SNX25: variants seen among roughly 807,000 people sequenced by gnomAD.
The protein encoded by SNX25 is sorting nexin-25.
In SNX25, 62 loss-of-function variants were observed where a neutral mutation model predicts 113.7. That is an observed-to-expected ratio of 0.55 (90% confidence interval 0.44 to 0.67). The LOEUF (loss-of-function observed/expected upper bound fraction) is 0.67. Among genes scored for constraint, SNX25 ranks in the 30% least tolerant of loss-of-function variants. The pLI, the probability that SNX25 is intolerant of heterozygous loss-of-function variation, is 0.00. For missense variants in SNX25, 1,014 were observed against 1,161.0 expected (o/e 0.87, Z 1.84); for synonymous variants, 421 against 436.2 (o/e 0.97, Z 0.43).
In SNX25 at chr4:185,310,800, G is replaced by T; in HGVS notation, c.1328G>T (p.Gly443Val). Residue 443 changes from glycine (G) to valine (V), a missense_variant, in exon 7 of 19, where the codon GGG becomes GTG. Coordinates refer to ENST00000652585, the MANE Select transcript of SNX25 (RefSeq NM_001378034.2). ...QEDGALDEGE[G>V]PQSQKILQFE... ...GATGGGGCCCTGGATGAGGGGGAAG[G>T]GCCTCAAAGCCAGAAGGTAGAACTT... 1 of 1,611,334 alleles carries T rather than the reference G, an allele frequency of 6.2e-7. No homozygotes were observed. Among genetic ancestry groups the T allele is most frequent in the Non-Finnish European group, 8.5e-7 (1 of 1,178,938 alleles).
Position 185,353,615 on chromosome 4 carries a change from G to T in SNX25, c.2584+13G>T. Reference sequence around the variant, plus strand: ...GAACTTCGAGGAAGTAAGCTTCTTTGTTATTATTTAGTGGTATTTGCTAGT... The same window carrying T: ...GAACTTCGAGGAAGTAAGCTTCTTTTTTATTATTTAGTGGTATTTGCTAGT... On this transcript the variant is annotated intron_variant, in intron 15 of 18. Transcript: ENST00000652585. 6.3e-7 allele frequency: 1 copy of T among 1,598,284 alleles called. No homozygotes were observed. Among genetic ancestry groups the T allele is most frequent in the Non-Finnish European group, 8.6e-7 (1 of 1,165,608 alleles).
chr4:185,360,473 T>G (rs757594611), intron 16 of SNX25, among the ~76,000 whole-genome samples: 10 of 152,202 alleles, frequency 6.6e-5, no homozygotes, highest in Non-Finnish European at 1.5e-4. Flanking sequence ...CTTTTTAATA[T>G]ATTATTATTC....
intron 6 of SNX25, among the ~76,000 whole-genome samples, chr4:185,294,939 G>A (rs79459629): frequency 0.011 from 1,646 of 152,006 alleles, 18 homozygotes; most frequent in South Asian, 0.05. Flanking sequence ...TTGTATTTCT[G>A]TGGTCTTTGG....
At chr4:185,347,928 T>A (rs1329682826) in intron 13 of SNX25, among the ~76,000 whole-genome samples, 1 of 152,274 alleles carries the variant, frequency 6.6e-6, no homozygotes, top group Non-Finnish European at 1.5e-5. Flanking sequence ...TGATTGCTTT[T>A]AATGAACAGA....
intron 1 of SNX25, among the ~76,000 whole-genome samples, chr4:185,243,527 G>A (rs1256671883): frequency 2.6e-5 from 4 of 152,004 alleles, no homozygotes; most frequent in African/African-American, 2.4e-5. Flanking sequence ...TGCTTGAGCC[G>A]GGAGATTGAG....
rs550724396 is a variant in SNX25 at position 185,323,602 on chromosome 4, A to G, written c.1551A>G (p.Lys517=). ...FVESKEISVE[K]SLYKEIQQCL... Reference sequence around the variant, plus strand: ...AGAGCAAAGAAATATCTGTGGAAAAATCACTTTACAAAGAAATTCAGCAGT... The same window carrying G: ...AGAGCAAAGAAATATCTGTGGAAAAGTCACTTTACAAAGAAATTCAGCAGT... The change falls in exon 9 of 19, where the codon AAA becomes AAG. Residue 517 remains lysine (K), a synonymous_variant. Coordinates refer to ENST00000652585, the MANE Select transcript of SNX25 (RefSeq NM_001378034.2). The G allele has an allele frequency of 1.2e-6, 2 of 1,613,452 alleles. No individual in the cohort carries two copies. Among genetic ancestry groups the G allele is most frequent in the Admixed American group, 1.7e-5 (1 of 60,000 alleles).
intron 5 of SNX25, among the ~76,000 whole-genome samples, chr4:185,267,603 T>A (rs1339066311): frequency 6.6e-6 from 1 of 151,970 alleles, no homozygotes; most frequent in Non-Finnish European, 1.5e-5. Flanking sequence ...TGGTGGCACA[T>A]GCCTGTAGTC....
intron 1 of SNX25, among the ~76,000 whole-genome samples, chr4:185,236,159 T>C (rs560312167): frequency 4.6e-5 from 7 of 152,350 alleles, no homozygotes; most frequent in African/African-American, 1.4e-4. Context: ...GGTAAGAGAA[T>C]TAGCTGCCTT....
At chr4:185,301,815 G>C (rs1319482002) in intron 6 of SNX25, among the ~76,000 whole-genome samples, 1 of 152,134 alleles carries the variant, frequency 6.6e-6, no homozygotes, top group Non-Finnish European at 1.5e-5. Flanking sequence ...TCGAACTCCT[G>C]ACCTCAAGTG....
chr4:185,264,545 TC>T lies in SNX25; in HGVS notation c.843del (p.Ser282GlnfsTer11), dbSNP rs1449419153. 6.2e-7 allele frequency: 1 copy of T among 1,613,946 alleles called. No homozygotes were observed. The highest frequency in any genetic ancestry group is 1.3e-5 in the African/African-American group (1 of 74,922). ...TCTCGGGTTCTGGTGTTTTGTCTCC[TC>T]CCCTCAAAGGATGTGCAGTCTCTCA... Reference protein sequence around the residue: ...TCSRVLVFCLLPSKDVQSLSL... With the variant: ...TCSRVLVFCLXPSKDVQSLSL... On this transcript the variant is annotated frameshift_variant, in exon 4 of 19. Transcript: ENST00000652585. LOFTEE classifies it high-confidence loss of function.
At chr4:185,343,400 A>C (rs1383935851) in intron 12 of SNX25, among the ~76,000 whole-genome samples, 1 of 152,164 alleles carries the variant, frequency 6.6e-6, no homozygotes, top group Non-Finnish European at 1.5e-5. Flanking sequence ...CTTTGGTTTC[A>C]GTTTTATTTA....
At chr4:185,314,218 G>A (rs1402174714) in intron 7 of SNX25, among the ~76,000 whole-genome samples, 3 of 151,878 alleles carry the variant, frequency 2.0e-5, no homozygotes, top group Non-Finnish European at 4.4e-5. Flanking sequence ...GGCCCAGTGA[G>A]GGGGCTCATG....
chr4:185,300,155 A>G (rs1174087350), intron 6 of SNX25, among the ~76,000 whole-genome samples: 2 of 136,426 alleles, frequency 1.5e-5, no homozygotes, highest in African/African-American at 5.4e-5. Flanking sequence ...AACAATGTCC[A>G]CTAGGAAATT....
At chr4:185,310,903 G>A (rs1560997539) in intron 7 of SNX25, 87 bp downstream of exon 7, 2 of 1,283,728 alleles carry the variant, frequency 1.6e-6, no homozygotes, top group Non-Finnish European at 2.1e-6. Context: ...CAACTTTTTA[G>A]TATTGAACTT....
At chr4:185,322,754 T>C (rs1023543502) in intron 8 of SNX25, among the ~76,000 whole-genome samples, 4 of 152,212 alleles carry the variant, frequency 2.6e-5, no homozygotes, top group African/African-American at 4.8e-5. Context: ...GAAGAGAATT[T>C]GAAATATTTC....
Position 185,265,918 on chromosome 4 carries a change from G to A in SNX25, c.905-1051G>A, listed in dbSNP as rs895010026. On this transcript the variant is annotated intron_variant, in intron 4 of 18. Transcript: ENST00000652585. ...GTTGACCAAAATGTCATTATGTGGC[G>A]CATGACTGTACATAATTTTGTGAAC... Among the ~76,000 whole-genome samples the A allele has an allele frequency of 5.3e-5, 8 of 152,170 alleles. No individual in the cohort carries two copies. In the East Asian group the frequency reaches 5.8e-4, roughly 11 times the overall value.
chr4:185,298,285 T>A (rs536851089), intron 6 of SNX25, among the ~76,000 whole-genome samples: 1 of 151,972 alleles, frequency 6.6e-6, no homozygotes, highest in South Asian at 2.1e-4. Context: ...GATGAGGTTT[T>A]GCCATGTTGG....
In SNX25 at chr4:185,342,189, G is replaced by A. The variant is rs965643400; in HGVS notation, c.2187+73G>A. The A allele has an allele frequency of 3.5e-6, 5 of 1,414,290 alleles. No homozygotes were observed. In the Admixed American group the frequency reaches 1.1e-4, roughly 30 times the overall value. The allele number at this position is 1,414,290 out of a possible 1,614,324, so 87.6% of individuals were successfully genotyped here. A position where few individuals can be genotyped will look rare whatever the true frequency, so the allele number is the denominator to read the frequency against. On this transcript the variant is annotated intron_variant, in intron 12 of 18. Coordinates refer to ENST00000652585, the MANE Select transcript of SNX25 (RefSeq NM_001378034.2). ...TCATTTCAATTTTACACATAAGAAA[G>A]CTGATTAATCTTCTTCCTTTGCTGT... is the stretch of plus-strand genomic sequence containing the variant.
chr4:185,239,430 C>A (rs1367552817), intron 1 of SNX25, among the ~76,000 whole-genome samples: 2 of 152,096 alleles, frequency 1.3e-5, no homozygotes, highest in Non-Finnish European at 2.9e-5. Flanking sequence ...TTGCAGTGAG[C>A]TGAGATCGCA....
Sources: gnomAD v4.1 joint callset for allele counts (sites outside exome capture counted in the v4.1 genomes callset) on GRCh38, gnomAD v4.1.1 for gene constraint, MANE v1.5 for transcripts, NCBI Gene and HGNC (gene_info 2026-07-23, HGNC 2026-07-21) for gene names.